Variants in GRIP1 observed in about 807,000 individuals in gnomAD.
GRIP1 encodes glutamate receptor interacting protein 1, also known as glutamate receptor-interacting protein 1.
A neutral mutation model predicts 129.9 loss-of-function variants in GRIP1; 45 were observed. The ratio of observed to expected loss-of-function variants is 0.35; its 90% CI spans 0.27 to 0.44. The LOEUF (loss-of-function observed/expected upper bound fraction) is 0.44. Among genes scored for constraint, GRIP1 ranks in the 20% least tolerant of loss-of-function variants. GRIP1 has a pLI of 1.00. For missense variants in GRIP1, 1,196 were observed against 1,396.8 expected (o/e 0.86, Z 2.29); for synonymous variants, 530 against 520.8 (o/e 1.02, Z -0.24).
chr12:66,928,521 T>C (rs539930876), intron 1 of GRIP1, among the ~76,000 whole-genome samples: 1 of 146,546 alleles, frequency 6.8e-6, no homozygotes, highest in South Asian at 2.2e-4. Flanking sequence ...GACAATTCAT[T>C]CATTCATTTA....
chr12:66,681,769 A>G (rs1193173510), upstream of GRIP1, among the ~76,000 whole-genome samples: 1 of 152,212 alleles, frequency 6.6e-6, no homozygotes, highest in Non-Finnish European at 1.5e-5. Context: ...TACCCCTCTT[A>G]AAAACACAAA....
rs148950513 is a variant in GRIP1, at chr12:66,562,345, G to A, written c.137-20395C>T. Among the ~76,000 whole-genome samples the A allele has an allele frequency of 4.6e-4, 70 of 152,164 alleles. 5 individuals are homozygous for A. In the East Asian group the frequency reaches 0.014, roughly 29 times the overall value. Reference sequence around the variant, plus strand: ...ATATTGTCCTCATCACCAGTACTTTGGGCACCAAGAGCACTGTGATGCTGC... The same window carrying A: ...ATATTGTCCTCATCACCAGTACTTTAGGCACCAAGAGCACTGTGATGCTGC... On this transcript the variant is annotated intron_variant, in intron 2 of 24. Transcript: ENST00000359742.
At chr12:66,970,813 C>T (rs778357227) in intron 1 of GRIP1, among the ~76,000 whole-genome samples, 1 of 152,158 alleles carries the variant, frequency 6.6e-6, no homozygotes, top group South Asian at 2.1e-4. Context: ...TTAGTTGACA[C>T]AGGAATCTAG....
chr12:66,416,171 A>T (rs1459900943), intron 15 of GRIP1, among the ~76,000 whole-genome samples: 1 of 152,220 alleles, frequency 6.6e-6, no homozygotes, highest in Non-Finnish European at 1.5e-5. Flanking sequence ...TGGGCCAATG[A>T]AGAAATTAAT....
intron 2 of GRIP1, among the ~76,000 whole-genome samples, chr12:66,547,072 A>C (rs908357596): frequency 2.6e-5 from 4 of 152,182 alleles, no homozygotes; most frequent in Non-Finnish European, 5.9e-5. Flanking sequence ...CAACAGTAAA[A>C]AAGCAAACAA....
intron 16 of GRIP1, among the ~76,000 whole-genome samples, chr12:66,396,921 G>T (rs1202773687): frequency 6.6e-6 from 1 of 151,526 alleles, no homozygotes; most frequent in African/African-American, 2.4e-5. Flanking sequence ...GACCAGCCTG[G>T]CCAACGTGAT....
At chr12:66,556,418 G>C (rs1410972622) in intron 2 of GRIP1, among the ~76,000 whole-genome samples, 7 of 152,096 alleles carry the variant, frequency 4.6e-5, no homozygotes, top group African/African-American at 1.7e-4. Flanking sequence ...TGTCCTACAA[G>C]AAATGCTAAG....
intron 1 of GRIP1, among the ~76,000 whole-genome samples, chr12:66,750,844 A>C (rs1481674604): frequency 6.6e-6 from 1 of 152,206 alleles, no homozygotes; most frequent in Non-Finnish European, 1.5e-5. Flanking sequence ...AAGTCACCAA[A>C]TGACAGATAT....
chr12:66,899,371 T>G (rs79529386), intron 1 of GRIP1, among the ~76,000 whole-genome samples: 4 of 144,294 alleles, frequency 2.8e-5, no homozygotes, highest in Non-Finnish European at 6.1e-5. Flanking sequence ...TGAAAAAAAA[T>G]TTTTTTTTTT....
At chr12:66,559,097 G>C (rs2062429617) in intron 2 of GRIP1, among the ~76,000 whole-genome samples, 1 of 151,160 alleles carries the variant, frequency 6.6e-6, no homozygotes. Context: ...CTCAATTGAT[G>C]CTGAAAAAGC....
intron 1 of GRIP1, among the ~76,000 whole-genome samples, chr12:66,620,808 G>C (rs2065238980): frequency 1.3e-5 from 2 of 151,520 alleles, no homozygotes; most frequent in Admixed American, 6.6e-5. Flanking sequence ...TTAATGGCCA[G>C]GGGAGGAGGG....
rs869206671 is a variant in GRIP1, at chr12:66,608,955, AT to A, written c.56-12029del. Among the ~76,000 whole-genome samples the A allele has an allele frequency of 7.5e-3, 1,077 of 143,270 alleles. 5 individuals are homozygous for A. The highest frequency in any genetic ancestry group is 0.034 in the Middle Eastern group (9 of 268). The allele number at this position is 143,270 out of a possible 152,430, so 94.0% of individuals were successfully genotyped here. On this transcript the variant is annotated intron_variant, in intron 1 of 24. Transcript: ENST00000359742. ...ACAAATTATTATTATTATTATTATT[AT>A]TATATTATATATATATTTTTTTACA...
At chr12:66,968,905 G>A (rs972808854) in intron 1 of GRIP1, among the ~76,000 whole-genome samples, 1 of 152,076 alleles carries the variant, frequency 6.6e-6, no homozygotes, top group Non-Finnish European at 1.5e-5. Context: ...GAATAGGTAT[G>A]CTGTGCTAAT....
chr12:66,401,473 G>T (rs113955392), intron 16 of GRIP1, among the ~76,000 whole-genome samples: 6,708 of 151,732 alleles, frequency 0.044, 496 homozygotes, highest in African/African-American at 0.15. Context: ...CAGCTACTTG[G>T]GAGGCTGAGG....
chr12:67,033,551 A>G lies in GRIP1; in HGVS notation c.58+35499T>C, dbSNP rs116230418. Among the ~76,000 whole-genome samples the G allele has an allele frequency of 1.8e-3, 275 of 152,232 alleles. 2 individuals are homozygous for G. The highest frequency in any genetic ancestry group is 6.3e-3 in the African/African-American group (262 of 41,558). ...CAGAAGTAGCAAAGAAATGTATTCCAATCTTCTCATTCTAACCCCTTCACT... is the reference window on the plus strand; with the variant it reads ...CAGAAGTAGCAAAGAAATGTATTCCGATCTTCTCATTCTAACCCCTTCACT... On this transcript the variant is annotated intron_variant, in intron 1 of 1. Transcript: ENST00000643019.
chr12:66,926,478 C>A (rs916022229), intron 1 of GRIP1, among the ~76,000 whole-genome samples: 1 of 152,152 alleles, frequency 6.6e-6, no homozygotes, highest in Admixed American at 6.5e-5. Context: ...AACCTGAGTT[C>A]GAGTTCTGCC....
At chr12:66,747,427 G>A (rs1254425380) in intron 1 of GRIP1, among the ~76,000 whole-genome samples, 1 of 152,164 alleles carries the variant, frequency 6.6e-6, no homozygotes, top group African/African-American at 2.4e-5. Flanking sequence ...ATCCTTGACA[G>A]AGACTCAAAA....
At chr12:66,372,427 G>C (rs1200137887) in intron 22 of GRIP1, 3 of 206,912 alleles carry the variant, frequency 1.4e-5, no homozygotes, top group East Asian at 1.2e-4. Flanking sequence ...AAAGGCAAGG[G>C]GTTCTTCCCA....
At chr12:66,985,655 C>G (rs1350010972) in intron 1 of GRIP1, among the ~76,000 whole-genome samples, 1 of 152,092 alleles carries the variant, frequency 6.6e-6, no homozygotes, top group African/African-American at 2.4e-5. Context: ...AAATTTTTCT[C>G]TCATCATGTT....
Sources: gnomAD v4.1 joint callset for allele counts (sites outside exome capture counted in the v4.1 genomes callset) on GRCh38, gnomAD v4.1.1 for gene constraint, MANE v1.5 for transcripts, NCBI Gene and HGNC (gene_info 2026-07-23, HGNC 2026-07-21) for gene names.